Variants in OSR1 observed in about 807,000 individuals in gnomAD.
OSR1 encodes the protein protein odd-skipped-related 1.
Under a neutral mutation model 15.7 loss-of-function variants are expected in OSR1, and 3 were observed. The ratio of observed to expected loss-of-function variants is 0.19; its 90% CI spans 0.09 to 0.50. The LOEUF (loss-of-function observed/expected upper bound fraction) is 0.50, where lower values mean the gene tolerates loss of function less well. Ranked by LOEUF, OSR1 falls within the 20% of genes least tolerant of loss-of-function variation. OSR1 has a pLI of 0.97. For synonymous variants in OSR1, 166 were observed against 152.7 expected (o/e 1.09, Z -0.64); for missense variants, 271 against 351.1 (o/e 0.77, Z 1.82).
rs1457744690 is a variant in OSR1 at position 19,353,309 on chromosome 2, C to T, written c.497G>A (p.Arg166His). Residue 166 changes from arginine (R) to histidine (H), a missense_variant, in exon 2 of 3, where the codon CGT becomes CAT. By Grantham distance (29) the Arg-to-His change is conservative. Around this residue, in one of 4 missense-constraint regions of OSR1, gnomAD observed 32 missense variants for 66.8 expected, o/e 0.48. Transcript: ENST00000272223. ...TTCCTTCTTGGTCTTGGAAGGCAGA[C>T]GTCCCCTTGTGGGCTTCTTTTCTGG... ...LSPEKKPTRG[R>H]LPSKTKKEFV... 4.3e-6 allele frequency: 7 copies of T among 1,614,258 alleles called. No individual in the cohort carries two copies. Among genetic ancestry groups the T allele is most frequent in the Non-Finnish European group, 5.9e-6 (7 of 1,180,048 alleles).
chr2:19,356,260 G>A (rs541076547), intron 1 of OSR1: 1 of 152,516 alleles, frequency 6.6e-6, no homozygotes, highest in African/African-American at 2.4e-5. Context: ...GTGCCGGGAA[G>A]GGGGAGTGCT....
At chr2:19,348,329 G>C (rs916543858), downstream of OSR1, 56 of 153,904 alleles carry the variant, frequency 3.6e-4, no homozygotes, top group African/African-American at 1.3e-3. Context: ...GGCGGGGCGG[G>C]GCTGAGAGGT....
At chr2:19,351,125 G>C (rs754102864), downstream of OSR1, among the ~76,000 whole-genome samples, 6 of 152,126 alleles carry the variant, frequency 3.9e-5, no homozygotes, top group Non-Finnish European at 8.8e-5. Flanking sequence ...CACCCTAAGC[G>C]ATCTCAGCAC....
downstream of OSR1, among the ~76,000 whole-genome samples, chr2:19,348,135 C>G (rs1038171734): frequency 3.2e-4 from 48 of 152,278 alleles, no homozygotes; most frequent in East Asian, 7.8e-4. Context: ...GATGAGTACG[C>G]CGCGGCAACT....
At position 19,352,037 on chromosome 2, in the gene OSR1, A is replaced by T; in HGVS notation, c.*238T>A. 1 of 402,890 alleles carries T rather than the reference A, an allele frequency of 2.5e-6. No homozygotes were observed. Among genetic ancestry groups the T allele is most frequent in the South Asian group, 8.3e-5 (1 of 12,004 alleles). 25.0% of individuals were successfully genotyped at this position (402,890 alleles called of 1,614,324 possible). A position where few individuals can be genotyped will look rare whatever the true frequency, so the allele number is the denominator to read the frequency against. The stretch of plus-strand genomic sequence containing the variant: ...AATGCAGTTTCCCTTCCGCCACGTG[A>T]GTACCGCCTTTTGGCCAAGAGTTTA... On this transcript the variant is annotated 3_prime_UTR_variant, in exon 3 of 3. Coordinates refer to ENST00000272223, the MANE Select transcript of OSR1 (RefSeq NM_145260.3).
the OSR1 span, among the ~76,000 whole-genome samples, chr2:19,345,729 G>C: frequency 2.6e-5 from 4 of 152,042 alleles, no homozygotes; most frequent in African/African-American, 7.2e-5. Flanking sequence ...TATTCCTTTT[G>C]GCTACAGCAC....
the OSR1 span, among the ~76,000 whole-genome samples, chr2:19,346,106 T>C: frequency 1.3e-5 from 2 of 152,198 alleles, no homozygotes; most frequent in African/African-American, 4.8e-5. Flanking sequence ...TCCCTTGTCA[T>C]GACAAAAACT....
chr2:19,345,935 C>T, the OSR1 span, among the ~76,000 whole-genome samples: 1 of 152,156 alleles, frequency 6.6e-6, no homozygotes, highest in African/African-American at 2.4e-5. Context: ...GTTCATTTTC[C>T]CCCTCTGGTT....
chr2:19,354,774 G>A (rs1664916907), intron 1 of OSR1: 2 of 152,202 alleles, frequency 1.3e-5, no homozygotes, highest in Admixed American at 6.5e-5. Flanking sequence ...GGGTGTTAGT[G>A]CCCTCACTCC....
In OSR1 at chr2:19,352,003, TC is replaced by T; in HGVS notation, c.*271del. ...CGCTGCGGCTCCGCGGAGCTTTCGT[TC>T]TTTTTTTAATGCAGTTTCCCTTCCG... On this transcript the variant is annotated 3_prime_UTR_variant, in exon 3 of 3. Transcript: ENST00000272223. The T allele has an allele frequency of 2.8e-6, 1 of 352,364 alleles. No individual in the cohort carries two copies. Among genetic ancestry groups the T allele is most frequent in the South Asian group, 1.1e-4 (1 of 9,368 alleles). The allele number at this position is 352,364 out of a possible 1,614,324, so 21.8% of individuals were successfully genotyped here.
intron 1 of OSR1, chr2:19,354,388 C>G (rs1324362305): frequency 1.5e-5 from 2 of 132,276 alleles, no homozygotes; most frequent in Non-Finnish European, 3.2e-5. Flanking sequence ...ACCCCTGAAT[C>G]TCACACACAC....
In OSR1 at chr2:19,353,794, T is replaced by A. The variant is rs1558359994; in HGVS notation, c.12A>T (p.Lys4Asn). The A allele has an allele frequency of 6.2e-7, 1 of 1,610,376 alleles. No homozygotes were observed. The highest frequency in any genetic ancestry group is 8.5e-7 in the Non-Finnish European group (1 of 1,177,674). The stretch of plus-strand genomic sequence containing the variant: ...GGATAGGCACCGGCGCCGGCAAGGT[T>A]TTGCTGCCCATTTCGGTAGTTGCAG... MGSKTLPAPVPIHP... is the reference protein window; with the variant it reads MGSNTLPAPVPIHP... The change falls in exon 2 of 3, where the codon AAA (lysine) becomes AAT (asparagine). Residue 4 changes from lysine to asparagine, a missense_variant. Lys to Asn is a moderately conservative substitution (Grantham distance 94, BLOSUM62 0). Transcript: ENST00000272223.
downstream of OSR1, among the ~76,000 whole-genome samples, chr2:19,348,913 C>T (rs1452757682): frequency 6.6e-6 from 1 of 152,192 alleles, no homozygotes; most frequent in Non-Finnish European, 1.5e-5. Context: ...CCCAGCCGTA[C>T]ACAAAAACTT....
chr2:19,348,080 C>G (rs184940063), downstream of OSR1, among the ~76,000 whole-genome samples: 127 of 152,282 alleles, frequency 8.3e-4, no homozygotes, highest in Middle Eastern at 6.8e-3. Flanking sequence ...GAGAGGAGGG[C>G]GGGGCCGCAG....
chr2:19,350,647 C>A (rs973872472), downstream of OSR1, among the ~76,000 whole-genome samples: 1 of 152,118 alleles, frequency 6.6e-6, no homozygotes, highest in Non-Finnish European at 1.5e-5. Flanking sequence ...GCGGTCAGGG[C>A]GCTGGAGCTG....
At chr2:19,352,502 GC>G in intron 2 of OSR1, 92 bp from the exon 3 acceptor site, 1 of 1,458,472 alleles carries the variant, frequency 6.9e-7, no homozygotes, top group Non-Finnish European at 9.4e-7. Context: ...TGGGGCACTT[GC>G]CCTCAAAGGA....
Position 19,357,239 on chromosome 2 carries a change from T to G in OSR1, c.-33+1102A>C, listed in dbSNP as rs995352993. ...TCTACACGCCGCCGGTCGCTGCTAG[T>G]CCCCTCCAGCGCTTCTCTTCCCTAG... On this transcript the variant is annotated intron_variant, in intron 1 of 2. Coordinates refer to ENST00000272223, the MANE Select transcript of OSR1 (RefSeq NM_145260.3). This position sits in a 1 kb window ranked among gnomAD's most constrained non-coding sequence, Gnocchi z 5.0. Among the ~76,000 whole-genome samples, 1 of 152,128 alleles carries G rather than the reference T, an allele frequency of 6.6e-6. No homozygotes were observed. The highest frequency in any genetic ancestry group is 1.5e-5 in the Non-Finnish European group (1 of 68,016).
intron 1 of OSR1, chr2:19,354,389 T>TCA (rs5829692): frequency 0.14 from 20,598 of 146,338 alleles, 1,460 homozygotes; most frequent in African/African-American, 0.19. Context: ...CCCCTGAATC[T>TCA]CACACACACA....
chr2:19,353,863 G>T (rs1431641568), intron 1 of OSR1, 26 bp from the exon 2 acceptor site: 2 of 1,520,524 alleles, frequency 1.3e-6, no homozygotes, highest in East Asian at 2.3e-5. Flanking sequence ...GAAGGCAGGG[G>T]CGTGGAGAGG....
Sources: gnomAD v4.1 joint callset for allele counts (sites outside exome capture counted in the v4.1 genomes callset) on GRCh38, gnomAD v4.1.1 for gene constraint, gnomAD v4.1.1 regional missense constraint, Gnocchi (gnomAD v3.1) non-coding constraint, MANE v1.5 for transcripts, NCBI Gene and HGNC (gene_info 2026-07-23, HGNC 2026-07-21) for gene names.